The following AUTS2 variants were observed in gnomAD, a reference collection of about 807,000 sequenced individuals.
AUTS2 encodes activator of transcription and developmental regulator AUTS2, also known as autism susceptibility gene 2 protein.
In AUTS2, 17 loss-of-function variants were observed where a neutral mutation model predicts 112.4. That is an observed-to-expected ratio of 0.15 (90% CI 0.10 to 0.23). The LOEUF is 0.23. Ranked by LOEUF, AUTS2 falls within the 10% of genes least tolerant of loss-of-function variation. The pLI, the probability that AUTS2 is intolerant of heterozygous loss-of-function variation, is 1.00. For missense variants in AUTS2, 1,510 were observed against 1,701.6 expected (o/e 0.89, Z 1.98); for synonymous variants, 751 against 702.7 (o/e 1.07, Z -1.09).
chr7:70,023,978 G>A (rs1214109893), intron 2 of AUTS2, among the ~76,000 whole-genome samples: 2 of 152,170 alleles, frequency 1.3e-5, no homozygotes, highest in African/African-American at 2.4e-5. Context: ...GCAAAGCACC[G>A]AACTCTTGAC....
At chr7:69,752,529 T>G (rs1221980542) in intron 1 of AUTS2, among the ~76,000 whole-genome samples, 3 of 152,228 alleles carry the variant, frequency 2.0e-5, no homozygotes, top group African/African-American at 7.2e-5. Flanking sequence ...GTTTAAGGCT[T>G]TTAATCAATG....
At chr7:70,010,776 A>G (rs1456683220) in intron 2 of AUTS2, among the ~76,000 whole-genome samples, 1 of 152,200 alleles carries the variant, frequency 6.6e-6, no homozygotes. Context: ...TACCCAAACT[A>G]GATATTCTCC....
intron 2 of AUTS2, among the ~76,000 whole-genome samples, chr7:69,939,447 T>A (rs776116389): frequency 6.6e-6 from 1 of 152,168 alleles, no homozygotes; most frequent in African/African-American, 2.4e-5. Flanking sequence ...GTCTCCCCAG[T>A]CTTGCTGCAG....
intron 4 of AUTS2, among the ~76,000 whole-genome samples, chr7:70,333,363 T>G (rs147717940): frequency 0.011 from 1,682 of 152,138 alleles, 14 homozygotes; most frequent in Middle Eastern, 0.027. Flanking sequence ...TTGGTGGGAG[T>G]GTAACTTAGT....
intron 2 of AUTS2, among the ~76,000 whole-genome samples, chr7:69,922,326 ACCTAGCATAAG>A (rs1795848109): frequency 1.3e-5 from 2 of 152,080 alleles, no homozygotes; most frequent in Admixed American, 1.3e-4. Context: ...ATTATTACTC[ACCTAGCATAAG>A]CTGATCCTTT....
intron 2 of AUTS2, among the ~76,000 whole-genome samples, chr7:70,089,935 A>AGGT (rs1803819878): frequency 6.6e-6 from 1 of 152,000 alleles, no homozygotes; most frequent in Non-Finnish European, 1.5e-5. Context: ...TGAGCCCAGG[A>AGGT]GGTGGAGGTT....
At chr7:70,089,961 C>T (rs181662761) in intron 2 of AUTS2, among the ~76,000 whole-genome samples, 4 of 151,062 alleles carry the variant, frequency 2.6e-5, no homozygotes, top group African/African-American at 7.3e-5. Flanking sequence ...GAGCCAGGAT[C>T]GTGCCATTGC....
rs559342704 is a variant in AUTS2 at position 69,945,358 on chromosome 7, T to C, written c.522+45860T>C. On this transcript the variant is annotated intron_variant, in intron 2 of 18. Transcript: ENST00000342771. The stretch of plus-strand genomic sequence containing the variant: ...TTCATATAAATGGAATTATATAATA[T>C]GTTGTGTTTTATGACTGCCTTCATT... Among the ~76,000 whole-genome samples the C allele has an allele frequency of 3.3e-5, 5 of 152,318 alleles. No homozygotes were observed. The East Asian group carries it at 9.7e-4, about 29-fold the overall frequency.
chr7:69,680,677 T>C lies in AUTS2; in HGVS notation c.309+80715T>C, dbSNP rs76894851. Among the ~76,000 whole-genome samples the C allele has an allele frequency of 1.9e-4, 29 of 152,278 alleles. No individual in the cohort carries two copies. In the East Asian group the frequency reaches 5.2e-3, roughly 27 times the overall value. On this transcript the variant is annotated intron_variant, in intron 1 of 18. Transcript: ENST00000342771. The stretch of plus-strand genomic sequence containing the variant: ...CTATGAATCTGAGTATTTTATTTTA[T>C]TTTTTATTTTTTGAGACGGGCTCTC...
chr7:70,781,527 G>C, intron 14 of AUTS2, 88 bp from the exon 15 acceptor site: 1 of 1,502,646 alleles, frequency 6.7e-7, no homozygotes, highest in Non-Finnish European at 9.0e-7. Context: ...CAAGTGCACC[G>C]TTCACAGTCT....
chr7:69,825,769 T>C (rs969675300), intron 1 of AUTS2: 1 of 152,346 alleles, frequency 6.6e-6, no homozygotes, highest in Admixed American at 6.5e-5. Context: ...CATACACTTT[T>C]ATTGTTCCAG....
rs187969408 is a variant in AUTS2 at position 69,698,647 on chromosome 7, C to G, written c.309+98685C>G. Among the ~76,000 whole-genome samples the G allele has an allele frequency of 4.6e-5, 7 of 152,274 alleles. No individual in the cohort carries two copies. In the East Asian group the frequency reaches 1.3e-3, roughly 29 times the overall value. ...AGTGCACACAGCCTTAGACTTAACACAAGAAACATATGAGTGATCCCATTG... is the reference window on the plus strand; with the variant it reads ...AGTGCACACAGCCTTAGACTTAACAGAAGAAACATATGAGTGATCCCATTG... On this transcript the variant is annotated intron_variant, in intron 1 of 18. Coordinates refer to ENST00000342771, the MANE Select transcript of AUTS2 (RefSeq NM_015570.4).
intron 5 of AUTS2, among the ~76,000 whole-genome samples, chr7:70,455,372 G>C (rs1411012239): frequency 6.6e-6 from 1 of 152,146 alleles, no homozygotes; most frequent in Non-Finnish European, 1.5e-5. Context: ...GGACTGAAGT[G>C]GGGAGAGTGA....
At chr7:69,936,419 G>C (rs1485352787) in intron 2 of AUTS2, among the ~76,000 whole-genome samples, 1 of 151,884 alleles carries the variant, frequency 6.6e-6, no homozygotes, top group Non-Finnish European at 1.5e-5. Context: ...GCGTGATCTC[G>C]GCTCATTGCA....
At chr7:70,709,283 A>C (rs1321842881) in intron 6 of AUTS2, among the ~76,000 whole-genome samples, 1 of 152,096 alleles carries the variant, frequency 6.6e-6, no homozygotes, top group Admixed American at 6.5e-5. Context: ...CCCCATGCCC[A>C]AGCCTGAGCA....
At chr7:70,783,705 C>CTT (rs1791247378) in intron 15 of AUTS2, 1 of 152,184 alleles carries the variant, frequency 6.6e-6, no homozygotes, top group African/African-American at 2.4e-5. Flanking sequence ...CTTGTACATA[C>CTT]TTAAGAAATC....
intron 4 of AUTS2, among the ~76,000 whole-genome samples, chr7:70,206,797 T>C (rs1810596865): frequency 6.6e-6 from 1 of 152,198 alleles, no homozygotes; most frequent in African/African-American, 2.4e-5. Context: ...GGGACTTGGG[T>C]AAATACTCAT....
chr7:70,782,015 T>A, intron 15 of AUTS2: 1 of 487,770 alleles, frequency 2.1e-6, no homozygotes, highest in Non-Finnish European at 3.6e-6. Context: ...TTTGCTTCTA[T>A]ATTAAACCAG....
At chr7:69,834,978 A>G (rs949101733) in intron 1 of AUTS2, among the ~76,000 whole-genome samples, 7 of 151,422 alleles carry the variant, frequency 4.6e-5, no homozygotes, top group African/African-American at 1.7e-4. Flanking sequence ...TACTCCATGC[A>G]TCTGCCGCCT....
Sources: gnomAD v4.1 joint callset for allele counts (sites outside exome capture counted in the v4.1 genomes callset) on GRCh38, gnomAD v4.1.1 for gene constraint, MANE v1.5 for transcripts, NCBI Gene and HGNC (gene_info 2026-07-23, HGNC 2026-07-21) for gene names.